The following NOTCH3 variants were observed in gnomAD, a reference collection of about 807,000 sequenced individuals.
The protein encoded by NOTCH3 is neurogenic locus notch homolog protein 3.
NOTCH3 carries 86 observed loss-of-function variants against 213.3 expected under a neutral mutation model. The observed-to-expected ratio is 0.40, with a 90% CI of 0.34 to 0.48. The LOEUF (loss-of-function observed/expected upper bound fraction) is 0.48. Ranked by LOEUF, NOTCH3 falls within the 20% of genes least tolerant of loss-of-function variation. The probability of loss-of-function intolerance (pLI) is 0.57; values close to 1 mark genes in which losing one functional copy is unlikely to be tolerated. For synonymous variants in NOTCH3, 1,354 were observed against 1,355.9 expected, an observed-to-expected ratio of 1.00 and a Z score of 0.03; for missense variants, 2,783 against 3,272.6, an observed-to-expected ratio of 0.85 and a Z score of 3.65.
At position 15,176,252 on chromosome 19, in the gene NOTCH3, T is replaced by G. The variant is rs2046789294; in HGVS notation, c.4403+1273A>C. 2.1e-5 allele frequency among the ~76,000 whole-genome samples: 3 copies of G among 142,966 alleles called. No homozygotes were observed. The Admixed American group carries it at 2.2e-4, about 11-fold the overall frequency. The allele number at this position is 142,966 out of a possible 152,430, so 93.8% of individuals were successfully genotyped here. A position where few individuals can be genotyped will look rare whatever the true frequency, so the allele number is the denominator to read the frequency against. On this transcript the variant is annotated intron_variant, in intron 24 of 32. Transcript: ENST00000263388. ...GGCACGATCTCAGCTCACCTCATCC[T>G]CCACCTCCCAGGTTCAAGCAATTCT...
rs2046817046 is a variant in NOTCH3 at position 15,179,113 on chromosome 19, G to A, written c.3630C>T (p.Arg1210=). 5 of 1,614,226 alleles carry A rather than the reference G, an allele frequency of 3.1e-6. No individual in the cohort carries two copies. The highest frequency in any genetic ancestry group is 3.4e-6 in the Non-Finnish European group (4 of 1,180,046). The change falls in exon 22 of 33, where the codon CGC becomes CGT. Residue 1210 remains arginine (R), a synonymous_variant. Transcript: ENST00000263388. ...LRCEADINEC[R]SGACHAAHTR... is the part of the protein sequence containing the mutation. ...TGTGTGCCGCGTGGCAGGCACCTGA[G>A]CGACACTCATTGATGTCTGCCTCGC...
intron 6 of NOTCH3, 67 bp downstream of exon 6, chr19:15,191,357 G>T: frequency 7.4e-7 from 1 of 1,354,644 alleles, no homozygotes. Flanking sequence ...TAACACTCAA[G>T]TCAGACTTCT....
chr19:15,185,240 G>A lies in NOTCH3; in HGVS notation c.2296+17C>T. 6.2e-7 allele frequency: 1 copy of A among 1,612,890 alleles called. No homozygotes were observed. On this transcript the variant is annotated intron_variant, in intron 14 of 32. Transcript: ENST00000263388. This position sits in a 1 kb window ranked among gnomAD's most constrained non-coding sequence, Gnocchi z 4.2. Reference sequence around the variant, plus strand: ...CATGGTGTTGGTGGGGCTGCAGAGGGAAGGTGAGGTACACACCCTGGACAC... The same window carrying A: ...CATGGTGTTGGTGGGGCTGCAGAGGAAAGGTGAGGTACACACCCTGGACAC...
intron 10 of NOTCH3, 56 bp from the exon 11 acceptor site, chr19:15,187,394 G>A: frequency 6.6e-7 from 1 of 1,505,334 alleles, no homozygotes; most frequent in Non-Finnish European, 9.1e-7. Flanking sequence ...GCCCACAAGT[G>A]AGGCCTCGGA....
At position 15,192,155 on chromosome 19, in the gene NOTCH3, A is replaced by G. The variant is rs2145441998; in HGVS notation, c.484T>C (p.Cys162Arg). 1 of 1,612,432 alleles carries G rather than the reference A, an allele frequency of 6.2e-7. No individual in the cohort carries two copies. The highest frequency in any genetic ancestry group is 8.5e-7 in the Non-Finnish European group (1 of 1,179,864). The change falls in exon 4 of 33, where the codon TGC becomes CGC. Residue 162 changes from cysteine (C) to arginine (R), a missense_variant. Physicochemically the swap from Cys to Arg is radical, Grantham distance 180. This residue lies in a region of NOTCH3 where 708 missense variants were observed against 906.6 expected (regional missense o/e 0.78). Coordinates refer to ENST00000263388, the MANE Select transcript of NOTCH3 (RefSeq NM_000435.3). The stretch of plus-strand genomic sequence containing the variant: ...TGGCGGCAGGGCTCACCCACCCGGC[A>G]CTCATCCACGTCGCTTCGGCAGCTG... ...GRSCRSDVDECRVGEPCRHGG... is the reference protein window; with the variant it reads ...GRSCRSDVDERRVGEPCRHGG...
intron 6 of NOTCH3, 75 bp from the exon 7 acceptor site, chr19:15,189,503 T>C (rs2046911613): frequency 6.5e-7 from 1 of 1,549,946 alleles, no homozygotes; most frequent in Non-Finnish European, 8.9e-7. Flanking sequence ...TTGAGTATTG[T>C]TTTGTCGTTG....
rs2145408624 is a variant in NOTCH3 at position 15,174,145 on chromosome 19, G to A, written c.4659C>T (p.Ala1553=). The change falls in exon 25 of 33, where the codon GCC becomes GCT. Residue 1553 remains alanine, a synonymous_variant. Coordinates refer to ENST00000263388, the MANE Select transcript of NOTCH3 (RefSeq NM_000435.3). ...TAGGCCGGTGGTAAGGGAAGACCAT[G>A]GCCTGGCCGTGCGCGTCCAGGCGGA... ...LRFRLDAHGQ[A]MVFPYHRPSP... 6.2e-7 allele frequency: 1 copy of A among 1,609,488 alleles called. No homozygotes were observed. Among genetic ancestry groups the A allele is most frequent in the South Asian group, 1.1e-5 (1 of 90,930 alleles).
At chr19:15,188,499 C>A in intron 8 of NOTCH3, 151 bp from the exon 9 acceptor site, 1 of 691,766 alleles carries the variant, frequency 1.4e-6, no homozygotes. Flanking sequence ...TAATTTTCAG[C>A]CACAGGCTGG....
At chr19:15,186,550 G>A (rs1424443808) in intron 12 of NOTCH3, among the ~76,000 whole-genome samples, 2 of 151,796 alleles carry the variant, frequency 1.3e-5, no homozygotes, top group African/African-American at 2.4e-5. Flanking sequence ...GACTACAGGC[G>A]CCCACCACCA....
At position 15,170,373 on chromosome 19, in the gene NOTCH3, T is replaced by C. The variant is rs1404111142; in HGVS notation, c.5072A>G (p.Lys1691Arg). The change falls in exon 27 of 33, where the codon AAG (lysine) becomes AGG (arginine). Residue 1691 changes from lysine to arginine, a missense_variant. Coordinates refer to ENST00000263388, the MANE Select transcript of NOTCH3 (RefSeq NM_000435.3). ...SLHKDVASGH[K>R]GRREPVGQDA... ...CTGGCCCACGGGTTCCCGCCGGCCC[T>C]TGTGACCAGAGGCCACGTCCTTGTG... 2.5e-6 allele frequency: 4 copies of C among 1,613,824 alleles called. No homozygotes were observed. The highest frequency in any genetic ancestry group is 1.1e-5 in the South Asian group (1 of 91,090).
In NOTCH3 at chr19:15,170,540, C is replaced by A. The variant is rs1230800663; in HGVS notation, c.4905G>T (p.Glu1635Asp). 2.5e-6 allele frequency: 4 copies of A among 1,609,070 alleles called. No homozygotes were observed. Among genetic ancestry groups the A allele is most frequent in the Non-Finnish European group, 3.4e-6 (4 of 1,179,602 alleles). Residue 1635 changes from glutamate to aspartate, a missense_variant, in exon 27 of 33, where the codon GAG (glutamate) becomes GAT (aspartate). Physicochemically the swap from Glu to Asp is conservative, Grantham distance 45. Coordinates refer to ENST00000263388, the MANE Select transcript of NOTCH3 (RefSeq NM_000435.3). ...PLRDVRGEPL[E>D]PPEPSVPLLP... ...GCAGCGGGACGCTGGGTTCTGGAGG[C>A]TCCAGCGGCTCCCCTAAGAGCAGGA...
rs898348550 is a variant in NOTCH3 at position 15,185,213 on chromosome 19, C to T, written c.2296+44G>A. The T allele has an allele frequency of 1.9e-6, 3 of 1,607,032 alleles. No homozygotes were observed. The highest frequency in any genetic ancestry group is 1.7e-4 in the Middle Eastern group (1 of 6,006). On this transcript the variant is annotated intron_variant, in intron 14 of 32. Coordinates refer to ENST00000263388, the MANE Select transcript of NOTCH3 (RefSeq NM_000435.3). The surrounding 1 kb of genome is among the most constrained non-coding windows in gnomAD (Gnocchi z 4.2). Reference sequence around the variant, plus strand: ...GTAGAGGAGAAGAGAGATGAGAAGGCCCATGGTGTTGGTGGGGCTGCAGAG... The same window carrying T: ...GTAGAGGAGAAGAGAGATGAGAAGGTCCATGGTGTTGGTGGGGCTGCAGAG...
Position 15,181,596 on chromosome 19 carries a change from G to C in NOTCH3, c.2772C>G (p.Asp924Glu), listed in dbSNP as rs1019049349. ...PGYGGFHCEQ[D>E]LPDCSPSSCF... ...CCCACCTGGGGCTGCAGTCGGGCAG[G>C]TCCTGTTCGCAGTGGAAGCCTCCGT... Residue 924 changes from aspartate (D) to glutamate (E), a missense_variant, in exon 17 of 33, where the codon GAC becomes GAG. Asp to Glu is a conservative substitution (Grantham distance 45). Coordinates refer to ENST00000263388, the MANE Select transcript of NOTCH3 (RefSeq NM_000435.3). 3 of 1,550,508 alleles carry C rather than the reference G, an allele frequency of 1.9e-6. No individual in the cohort carries two copies. Among genetic ancestry groups the C allele is most frequent in the Non-Finnish European group, 2.6e-6 (3 of 1,146,708 alleles).
chr19:15,170,430 C>T lies in NOTCH3; in HGVS notation c.5015G>A (p.Ser1672Asn), dbSNP rs2046722168. 2 of 1,612,524 alleles carry T rather than the reference C, an allele frequency of 1.2e-6. No individual in the cohort carries two copies. Among genetic ancestry groups the T allele is most frequent in the Non-Finnish European group, 8.5e-7 (1 of 1,180,012 alleles). The stretch of plus-strand genomic sequence containing the variant: ...GAAGCCCTCAGGGAACCAGAGGGTG[C>T]TGTGCTCGCGCTTGCGCCGGGCCAC... ...VMVARRKREH[S>N]TLWFPEGFSL... The change falls in exon 27 of 33, where the codon AGC (serine) becomes AAC (asparagine). Residue 1672 changes from serine (S) to asparagine (N), a missense_variant. Transcript: ENST00000263388.
intron 31 of NOTCH3, among the ~76,000 whole-genome samples, chr19:15,163,266 A>G (rs1306474059): frequency 6.6e-6 from 1 of 152,236 alleles, no homozygotes; most frequent in South Asian, 2.1e-4. Context: ...CAATGGGGAA[A>G]GAATGGTCTT....
intron 6 of NOTCH3, among the ~76,000 whole-genome samples, chr19:15,191,119 C>A (rs1046231821): frequency 1.3e-5 from 2 of 151,886 alleles, no homozygotes; most frequent in Admixed American, 6.6e-5. Context: ...CTGCAATCTC[C>A]ACCTCCTGGG....
Position 15,175,135 on chromosome 19 carries a change from C to A in NOTCH3, c.4404-735G>T, listed in dbSNP as rs1403170794. Among the ~76,000 whole-genome samples, 8 of 152,298 alleles carry A rather than the reference C, an allele frequency of 5.3e-5. No individual in the cohort carries two copies. The East Asian group carries it at 1.5e-3, about 29-fold the overall frequency. On this transcript the variant is annotated intron_variant, in intron 24 of 32. Transcript: ENST00000263388. ...CTGCAGGCACAAGGATAAGGCCCGG[C>A]CACAATTCCTGGTCCACGTGCAGCT...
At chr19:15,171,524 G>T (rs1297554560) in intron 25 of NOTCH3, among the ~76,000 whole-genome samples, 1 of 152,002 alleles carries the variant, frequency 6.6e-6, no homozygotes, top group Admixed American at 6.6e-5. Flanking sequence ...TAATTTTTGG[G>T]GGGGGTTGGG....
At chr19:15,173,118 T>TCTTCTTCTTCTTCTTCTC (rs1568351385) in intron 25 of NOTCH3, among the ~76,000 whole-genome samples, 2 of 95,268 alleles carry the variant, frequency 2.1e-5, no homozygotes, top group African/African-American at 1.8e-4. Flanking sequence ...TTTTTTTTTT[T>TCTTCTTCTTCTTCTTCTC]TTTTTTTTTT....
Sources: gnomAD v4.1 joint callset for allele counts (sites outside exome capture counted in the v4.1 genomes callset) on GRCh38, gnomAD v4.1.1 for gene constraint, gnomAD v4.1.1 regional missense constraint, Gnocchi (gnomAD v3.1) non-coding constraint, MANE v1.5 for transcripts, NCBI Gene and HGNC (gene_info 2026-07-23, HGNC 2026-07-21) for gene names.